UMOD: variants seen among roughly 807,000 people sequenced by gnomAD.
The protein encoded by UMOD is uromodulin, also known as Tamm-Horsfall urinary glycoprotein.
UMOD carries 64 observed loss-of-function variants against 66.0 expected under a neutral mutation model. The observed-to-expected ratio is 0.97, with a 90% CI of 0.79 to 1.19. The LOEUF is 1.19. Ranked by LOEUF, UMOD falls within the 50% of genes most tolerant of loss-of-function variation. The probability of loss-of-function intolerance (pLI) is 0.00; values close to 1 mark genes in which losing one functional copy is unlikely to be tolerated. For missense variants in UMOD, 764 were observed against 850.9 expected, an observed-to-expected ratio of 0.90 and a Z score of 1.27; for synonymous variants, 398 against 352.7, an observed-to-expected ratio of 1.13 and a Z score of -1.44.
chr16:20,345,793 C>T lies in UMOD; in HGVS notation c.1182+333G>A, dbSNP rs915845858. Among the ~76,000 whole-genome samples, 18 of 152,184 alleles carry T rather than the reference C, an allele frequency of 1.2e-4. No individual in the cohort carries two copies. The South Asian group carries it at 3.3e-3, about 28-fold the overall frequency. ...CTAGTTTCTGAACCCAATGCTGATG[C>T]CTACTGGCTGAGACAATCCCTACTA... On this transcript the variant is annotated intron_variant, in intron 5 of 10. Transcript: ENST00000396138.
At chr16:20,352,011 C>T (rs987250610) in intron 1 of UMOD, among the ~76,000 whole-genome samples, 23 of 114,824 alleles carry the variant, frequency 2.0e-4, no homozygotes, top group African/African-American at 8.1e-4. Flanking sequence ...GAGAGTCCAT[C>T]CCCCCCCCCC....
chr16:20,350,588 C>T (rs563771490), intron 2 of UMOD, 62 bp downstream of exon 2: 2 of 1,593,972 alleles, frequency 1.3e-6, no homozygotes, highest in African/African-American at 2.7e-5. Flanking sequence ...ATTGCTTCCC[C>T]CACACATTCA....
chr16:20,342,576 C>T (rs1965292579), intron 6 of UMOD: 1 of 151,984 alleles, frequency 6.6e-6, no homozygotes, highest in Admixed American at 6.5e-5. Flanking sequence ...AGCAGAAAAC[C>T]ATGGGCAAGC....
chr16:20,347,185 C>A (rs1459122254), intron 4 of UMOD, among the ~76,000 whole-genome samples: 1 of 152,126 alleles, frequency 6.6e-6, no homozygotes, highest in Non-Finnish European at 1.5e-5. Flanking sequence ...ACCAGACTCA[C>A]CTAGTTTTTG....
At chr16:20,346,412 C>T in intron 4 of UMOD, 78 bp from the exon 5 acceptor site, 1 of 1,467,316 alleles carries the variant, frequency 6.8e-7, no homozygotes, top group East Asian at 2.3e-5. Flanking sequence ...CCAGGTCCAG[C>T]TGGCTGGGCT....
chr16:20,349,967 A>G lies in UMOD; in HGVS notation c.88+683T>C, dbSNP rs535562945. 1.1e-3 allele frequency: 1,431 copies of G among 1,313,120 alleles called. 1 individual carries two copies. Among genetic ancestry groups the G allele is most frequent in the Non-Finnish European group, 1.3e-3 (1,255 of 987,730 alleles). The allele number at this position is 1,313,120 out of a possible 1,614,324, so 81.3% of individuals were successfully genotyped here. On this transcript the variant is annotated intron_variant, in intron 2 of 10. Coordinates refer to ENST00000396138, the MANE Select transcript of UMOD (RefSeq NM_003361.4). ...ATAGGATGTGCACTTTTCACTCACT[A>G]TCTTGTTGAATACTTCCCAAGGGCC... is the stretch of plus-strand genomic sequence containing the variant.
rs1964687160 is a variant in UMOD at position 20,333,257 on chromosome 16, C to T, written c.*57G>A. On this transcript the variant is annotated 3_prime_UTR_variant, in exon 11 of 11. Transcript: ENST00000396138. Reference sequence around the variant, plus strand: ...CTGGAGCACTGGCCCGCATCATGCCCCCTGCCCAGCAGGAGGTGAGATGGC... The same window carrying T: ...CTGGAGCACTGGCCCGCATCATGCCTCCTGCCCAGCAGGAGGTGAGATGGC... 1 of 1,544,152 alleles carries T rather than the reference C, an allele frequency of 6.5e-7. No individual in the cohort carries two copies. The highest frequency in any genetic ancestry group is 1.4e-5 in the African/African-American group (1 of 73,578).
At chr16:20,340,472 GTATA>G (rs10533543) in intron 7 of UMOD, among the ~76,000 whole-genome samples, 3,301 of 112,452 alleles carry the variant, frequency 0.029, 104 homozygotes, top group South Asian at 0.12. Flanking sequence ...GTGTGTGTGT[GTATA>G]TATATATATA....
rs1965853785 is a variant in UMOD, at chr16:20,350,807, G to A, written c.-70C>T. 2.5e-6 allele frequency: 4 copies of A among 1,603,628 alleles called. No individual in the cohort carries two copies. The highest frequency in any genetic ancestry group is 1.7e-5 in the Admixed American group (1 of 58,312). ...CAAAGGAAAGACGGGTTGGCCCTTT[G>A]AATTTTTCTCTCTGTCTCTGATGTC... On this transcript the variant is annotated 5_prime_UTR_variant, in exon 2 of 11. Transcript: ENST00000396138.
At chr16:20,351,116 T>A in intron 1 of UMOD, 4 of 310,240 alleles carry the variant, frequency 1.3e-5, no homozygotes, top group South Asian at 1.3e-4. Flanking sequence ...GATGGAATAG[T>A]GTTCTGGACT....
At chr16:20,347,133 C>T (rs542180771) in intron 4 of UMOD, among the ~76,000 whole-genome samples, 8 of 152,188 alleles carry the variant, frequency 5.3e-5, no homozygotes, top group Non-Finnish European at 7.3e-5. Flanking sequence ...AGTGATTCTC[C>T]TGCCTCAGCC....
At chr16:20,338,647 T>C (rs565187021) in intron 7 of UMOD, among the ~76,000 whole-genome samples, 5 of 150,958 alleles carry the variant, frequency 3.3e-5, no homozygotes, top group Non-Finnish European at 7.4e-5. Flanking sequence ...GTGTGTGCCA[T>C]CATGCCTGGC....
intron 9 of UMOD, 80 bp downstream of exon 9, chr16:20,336,566 G>GGTGCCAAT (rs1964883156): frequency 7.3e-7 from 1 of 1,376,562 alleles, no homozygotes; most frequent in Non-Finnish European, 1.0e-6. Context: ...AAGGTGCCAA[G>GGTGCCAAT]GTGCCAGGCT....
upstream of UMOD, chr16:20,352,962 C>T (rs1965963452): frequency 5.3e-6 from 2 of 379,804 alleles, no homozygotes; most frequent in South Asian, 1.5e-4. Flanking sequence ...GTCACTGTTT[C>T]GCACCTTCTA....
chr16:20,334,858 G>C (rs111484604), intron 10 of UMOD, among the ~76,000 whole-genome samples: 1 of 149,248 alleles, frequency 6.7e-6, no homozygotes, highest in South Asian at 2.1e-4. Flanking sequence ...TTTTGAGATG[G>C]ATCTTGCTTT....
At chr16:20,341,783 T>C (rs983967301) in intron 6 of UMOD, among the ~76,000 whole-genome samples, 1 of 152,232 alleles carries the variant, frequency 6.6e-6, no homozygotes, top group Non-Finnish European at 1.5e-5. Context: ...GGTATTGAGC[T>C]ATGATGAGGC....
At chr16:20,344,678 C>G (rs896270219) in intron 5 of UMOD, among the ~76,000 whole-genome samples, 16 of 91,024 alleles carry the variant, frequency 1.8e-4, no homozygotes, top group African/African-American at 7.2e-4. Flanking sequence ...ATCATCTTTT[C>G]TTTATAAATT....
At chr16:20,340,958 C>T in intron 7 of UMOD, 133 bp downstream of exon 7, 1 of 1,028,098 alleles carries the variant, frequency 9.7e-7, no homozygotes, top group Non-Finnish European at 1.4e-6. Context: ...CACACCATTG[C>T]ACTCCAACCT....
chr16:20,353,800 A>C (rs1019586013), upstream of UMOD, among the ~76,000 whole-genome samples: 4 of 152,104 alleles, frequency 2.6e-5, no homozygotes, highest in African/African-American at 7.2e-5. Flanking sequence ...GTACAAGTGC[A>C]CAACGTGCAG....
Sources: gnomAD v4.1 joint callset for allele counts (sites outside exome capture counted in the v4.1 genomes callset) on GRCh38, gnomAD v4.1.1 for gene constraint, MANE v1.5 for transcripts, NCBI Gene and HGNC (gene_info 2026-07-23, HGNC 2026-07-21) for gene names.